The following CACNA2D3 variants were observed in gnomAD, a reference collection of about 807,000 sequenced individuals.
CACNA2D3 encodes the protein calcium voltage-gated channel auxiliary subunit alpha2delta 3.
A neutral mutation model predicts 160.6 loss-of-function variants in CACNA2D3; 60 were observed. The ratio of observed to expected loss-of-function variants is 0.37; its 90% CI spans 0.30 to 0.46. The LOEUF (loss-of-function observed/expected upper bound fraction) is 0.46. Ranked by LOEUF, CACNA2D3 falls within the 20% of genes least tolerant of loss-of-function variation. The pLI is 1.00. For synonymous variants in CACNA2D3, 558 were observed against 492.9 expected (o/e 1.13, Z -1.75); for missense variants, 1,205 against 1,365.0 (o/e 0.88, Z 1.85).
intron 3 of CACNA2D3, among the ~76,000 whole-genome samples, chr3:54,353,480 A>T (rs1575411442): frequency 6.6e-6 from 1 of 151,962 alleles, no homozygotes; most frequent in East Asian, 1.9e-4. Context: ...TATAAAGGTA[A>T]CACCCTCCCT....
At chr3:54,688,774 G>A (rs1163652959) in intron 11 of CACNA2D3, among the ~76,000 whole-genome samples, 3 of 151,134 alleles carry the variant, frequency 2.0e-5, no homozygotes, top group South Asian at 4.2e-4. Flanking sequence ...AGGCCAAGGT[G>A]GGCGGATCTC....
chr3:54,728,812 G>A (rs1341210935), intron 11 of CACNA2D3, among the ~76,000 whole-genome samples: 1 of 152,168 alleles, frequency 6.6e-6, no homozygotes, highest in African/African-American at 2.4e-5. Context: ...TACATGTGCT[G>A]TCTCCTCCTT....
At chr3:55,007,725 C>A in intron 32 of CACNA2D3, 65 bp from the exon 33 acceptor site, 1 of 1,042,934 alleles carries the variant, frequency 9.6e-7, no homozygotes, top group Non-Finnish European at 1.4e-6. Flanking sequence ...ATGTAAAGCC[C>A]TAAATTAAGC....
intron 9 of CACNA2D3, among the ~76,000 whole-genome samples, chr3:54,603,820 A>T (rs1703110080): frequency 6.6e-6 from 1 of 151,954 alleles, no homozygotes; most frequent in African/African-American, 2.4e-5. Context: ...CAAAGAACCA[A>T]CTCTAGTATT....
At chr3:54,801,582 A>C (rs1702988786) in intron 13 of CACNA2D3, among the ~76,000 whole-genome samples, 1 of 152,206 alleles carries the variant, frequency 6.6e-6, no homozygotes, top group Non-Finnish European at 1.5e-5. Context: ...TTTAAATATC[A>C]TAAAGTGATT....
chr3:54,346,624 G>T (rs557894764), intron 3 of CACNA2D3, among the ~76,000 whole-genome samples: 1 of 151,922 alleles, frequency 6.6e-6, no homozygotes, highest in Non-Finnish European at 1.5e-5. Flanking sequence ...CCAGTTTCTC[G>T]CATTATTAAC....
intron 4 of CACNA2D3, among the ~76,000 whole-genome samples, chr3:54,394,172 G>A: frequency 6.6e-6 from 1 of 152,034 alleles, no homozygotes; most frequent in Non-Finnish European, 1.5e-5. Flanking sequence ...CTCAGAGAAA[G>A]GCCAGTTCTG....
intron 4 of CACNA2D3, among the ~76,000 whole-genome samples, chr3:54,472,835 T>C (rs6772902): frequency 0.034 from 5,111 of 152,190 alleles, 298 homozygotes; most frequent in African/African-American, 0.12. Flanking sequence ...ATAAGGGATA[T>C]GAAAGACCTC....
At chr3:54,311,183 A>G (rs1007981523) in intron 2 of CACNA2D3, among the ~76,000 whole-genome samples, 5 of 152,178 alleles carry the variant, frequency 3.3e-5, no homozygotes, top group Admixed American at 1.3e-4. Flanking sequence ...CTTCACTAGG[A>G]GTAAGCTGAG....
rs140910257 is a variant in CACNA2D3 at position 54,338,808 on chromosome 3, G to A, written c.321+18250G>A. On this transcript the variant is annotated intron_variant, in intron 3 of 37. Transcript: ENST00000474759. ...ATGAGAGCAGTGACTGCCCTGGCTC[G>A]TGGGGCTTGAGGAAGGAACGGCCTG... Among the ~76,000 whole-genome samples, 289 of 152,154 alleles carry A rather than the reference G, an allele frequency of 1.9e-3. 2 individuals are homozygous for A. Among genetic ancestry groups the A allele is most frequent in the Middle Eastern group, 0.01 (3 of 294 alleles).
intron 27 of CACNA2D3, among the ~76,000 whole-genome samples, chr3:54,902,327 C>A (rs941650958): frequency 5.9e-5 from 9 of 152,106 alleles, no homozygotes; most frequent in Non-Finnish European, 1.3e-4. Context: ...TTATTCTCTT[C>A]TTTCTCTTTT....
At chr3:54,816,937 T>G (rs1201201397) in intron 14 of CACNA2D3, 67 bp downstream of exon 14, 5 of 1,546,944 alleles carry the variant, frequency 3.2e-6, no homozygotes, top group Non-Finnish European at 3.5e-6. Flanking sequence ...CTCCATGGTG[T>G]TGTACATTTG....
intron 13 of CACNA2D3, among the ~76,000 whole-genome samples, chr3:54,765,280 C>T (rs1421956437): frequency 2.0e-5 from 3 of 152,108 alleles, no homozygotes; most frequent in African/African-American, 7.2e-5. Context: ...ATGACACAGG[C>T]CAGGCCACAG....
At chr3:54,836,477 G>T (rs1206460143) in intron 14 of CACNA2D3, among the ~76,000 whole-genome samples, 1 of 151,816 alleles carries the variant, frequency 6.6e-6, no homozygotes, top group Non-Finnish European at 1.5e-5. Context: ...CTCATGATCT[G>T]CCTGCCTTGG....
At chr3:54,605,095 G>C (rs1194103423) in intron 9 of CACNA2D3, among the ~76,000 whole-genome samples, 1 of 152,102 alleles carries the variant, frequency 6.6e-6, no homozygotes, top group Admixed American at 6.6e-5. Flanking sequence ...GCTTGCAGAT[G>C]TATAATTCCT....
chr3:54,490,961 A>G (rs751225772), intron 4 of CACNA2D3, among the ~76,000 whole-genome samples: 1 of 152,082 alleles, frequency 6.6e-6, no homozygotes, highest in Non-Finnish European at 1.5e-5. Context: ...ACAACTGTGA[A>G]GGAGTTCACA....
At chr3:54,800,057 C>T (rs1438017768) in intron 13 of CACNA2D3, among the ~76,000 whole-genome samples, 1 of 152,160 alleles carries the variant, frequency 6.6e-6, no homozygotes, top group Admixed American at 6.5e-5. Flanking sequence ...AAACCAGCAG[C>T]TTAGAGCATC....
intron 31 of CACNA2D3, among the ~76,000 whole-genome samples, chr3:54,994,065 C>G (rs970329486): frequency 2.6e-5 from 4 of 152,066 alleles, no homozygotes; most frequent in African/African-American, 9.7e-5. Context: ...CTGCACCCCA[C>G]AAGTGTTCAT....
rs1430836336 is a variant in CACNA2D3, at chr3:55,014,791, G to A, written c.2876-3415G>A. ...TAGATTGCAAGCAGCCTCAGTTATT[G>A]GTTTGAAATTCCATAGATAAATAGT... On this transcript the variant is annotated intron_variant, in intron 34 of 37. Coordinates refer to ENST00000474759, the MANE Select transcript of CACNA2D3 (RefSeq NM_018398.3). Among the ~76,000 whole-genome samples, 8 of 152,212 alleles carry A rather than the reference G, an allele frequency of 5.3e-5. No homozygotes were observed. The South Asian group carries it at 1.7e-3, about 32-fold the overall frequency.
Sources: allele counts gnomAD v4.1 joint callset (sites outside exome capture counted in the v4.1 genomes callset), GRCh38; gene constraint gnomAD v4.1.1; transcripts MANE v1.5; gene names NCBI Gene and HGNC (gene_info 2026-07-23, HGNC 2026-07-21).